The following MCM3AP variants were observed in gnomAD, a reference collection of about 807,000 sequenced individuals.
MCM3AP encodes the protein minichromosome maintenance complex component 3 associated protein, also known as germinal-center associated nuclear protein.
Under a neutral mutation model 184.1 loss-of-function variants are expected in MCM3AP, and 126 were observed. That is an observed-to-expected ratio of 0.68 (90% CI 0.59 to 0.79). MCM3AP has a LOEUF of 0.79. Among genes scored for constraint, MCM3AP ranks in the 30% least tolerant of loss-of-function variants. The pLI is 0.00. For missense variants in MCM3AP, 2,496 were observed against 2,479.2 expected, an observed-to-expected ratio of 1.01 and a Z score of -0.14; for synonymous variants, 1,002 against 979.3, an observed-to-expected ratio of 1.02 and a Z score of -0.43.
chr21:46,260,772 A>G (rs369941818), intron 15 of MCM3AP, 21 bp downstream of exon 15: 6 of 1,554,896 alleles, frequency 3.9e-6, no homozygotes, highest in Non-Finnish European at 5.3e-6. Context: ...TGGCACAGCA[A>G]GACACCAGCG....
rs2123851767 is a variant in MCM3AP, at chr21:46,251,544, A to G, written c.4275T>C (p.Val1425=). 6.2e-7 allele frequency: 1 copy of G among 1,609,994 alleles called. No individual in the cohort carries two copies. Among genetic ancestry groups the G allele is most frequent in the East Asian group, 2.2e-5 (1 of 44,772 alleles). Reference sequence around the variant, plus strand: ...TATAGTTCACCTTTATACACACGTTAACAGAAATCATCTGATCCCCTTTGC... The same window carrying G: ...TATAGTTCACCTTTATACACACGTTGACAGAAATCATCTGATCCCCTTTGC... The part of the protein sequence containing the change: ...LSSKGDQMIS[V]NVCIKVAHGA... Residue 1425 remains valine, a synonymous_variant, in exon 20 of 28, where the codon GTT becomes GTC. Coordinates refer to ENST00000291688, the MANE Select transcript of MCM3AP (RefSeq NM_003906.5).
chr21:46,284,848 TAA>T lies in MCM3AP; in HGVS notation c.437_438del (p.Phe146Ter). The part of the protein sequence containing the change: ...NSGFGKTEFS[F>X]KPLENAVFKP... ...TTGAACACTGCATTTTCCAGAGGTT[TAA>T]AGCTGAATTCTGTTTTCCCAAAACC... On this transcript the variant is annotated frameshift_variant, in exon 1 of 28. Transcript: ENST00000291688. LOFTEE classifies it high-confidence loss of function. 1 of 1,614,140 alleles carries T rather than the reference TAA, an allele frequency of 6.2e-7. No individual in the cohort carries two copies. The highest frequency in any genetic ancestry group is 1.1e-5 in the South Asian group (1 of 91,080).
In MCM3AP at chr21:46,267,116, G is replaced by C; in HGVS notation, c.2655C>G (p.Leu885=). The change falls in exon 10 of 28, where the codon CTC becomes CTG. Residue 885 remains leucine, a synonymous_variant. Coordinates refer to ENST00000291688, the MANE Select transcript of MCM3AP (RefSeq NM_003906.5). Reference sequence around the variant, plus strand: ...GTGTGCTCACCGTGTACGCAAAGTTGAGCGCCCGGAGAGCATCCTTGCGGA... The same window carrying C: ...GTGTGCTCACCGTGTACGCAAAGTTCAGCGCCCGGAGAGCATCCTTGCGGA... The part of the protein sequence containing the change: ...SQIRKDALRA[L]NFAYTVSTQR... The C allele has an allele frequency of 6.2e-7, 1 of 1,613,946 alleles. No homozygotes were observed. Among genetic ancestry groups the C allele is most frequent in the Non-Finnish European group, 8.5e-7 (1 of 1,179,952 alleles).
chr21:46,274,406 A>T (rs955756975), intron 6 of MCM3AP, among the ~76,000 whole-genome samples: 1 of 152,248 alleles, frequency 6.6e-6, no homozygotes, highest in Non-Finnish European at 1.5e-5. Context: ...CAATATTACT[A>T]ATAGAACTAA....
chr21:46,240,787 G>A, intron 26 of MCM3AP, 24 bp downstream of exon 26: 1 of 1,604,962 alleles, frequency 6.2e-7, no homozygotes. Context: ...AAACACACAT[G>A]AATTAGAAGG....
chr21:46,236,915 G>A lies in MCM3AP; in HGVS notation c.5698C>T (p.Leu1900Phe), dbSNP rs1380546834. ...DSGAFTDLTS[L>F]PLYLPQTLVS... ...AGAGTCTGAGGAAGATAGAGGGGAA[G>A]GGAAGTTAAATCCGTAAATGCTCCT... is the stretch of plus-strand genomic sequence containing the variant. The change falls in exon 27 of 28, where the codon CTT (leucine) becomes TTT (phenylalanine). Residue 1900 changes from leucine to phenylalanine, a missense_variant. Physicochemically the swap from Leu to Phe is conservative, Grantham distance 22 (BLOSUM62 0). This residue lies in a region of MCM3AP where 1,323 missense variants were observed against 1,273.4 expected (regional missense o/e 1.04). Transcript: ENST00000291688. 1.3e-6 allele frequency: 2 copies of A among 1,575,308 alleles called. No homozygotes were observed. The highest frequency in any genetic ancestry group is 2.4e-5 in the East Asian group (1 of 42,260).
intron 13 of MCM3AP, among the ~76,000 whole-genome samples, chr21:46,262,506 G>C (rs1394112124): frequency 1.3e-5 from 2 of 152,034 alleles, no homozygotes; most frequent in African/African-American, 2.4e-5. Context: ...AAATTAGCCG[G>C]GTATGGTAGC....
intron 9 of MCM3AP, among the ~76,000 whole-genome samples, chr21:46,268,925 TGGGG>T (rs1457090659): frequency 6.6e-6 from 1 of 151,806 alleles, no homozygotes; most frequent in Non-Finnish European, 1.5e-5. Flanking sequence ...TCCCAGCTAC[TGGGG>T]AGGGAGGCTC....
intron 2 of MCM3AP, among the ~76,000 whole-genome samples, chr21:46,281,654 T>A (rs2081334079): frequency 6.6e-6 from 1 of 151,782 alleles, no homozygotes; most frequent in Admixed American, 6.6e-5. Context: ...AAACTTCATC[T>A]CAAAAAAATA....
Position 46,254,528 on chromosome 21 carries a change from T to C in MCM3AP, c.4002-2A>G. 1 of 1,613,912 alleles carries C rather than the reference T, an allele frequency of 6.2e-7. No individual in the cohort carries two copies. The highest frequency in any genetic ancestry group is 1.1e-5 in the South Asian group (1 of 91,074). ...TCCAGAGACGCCCATGCCACATCAC[T>C]GGGAGGAACAGACCACCGTGGATTA... On this transcript the variant is annotated splice_acceptor_variant, in intron 18 of 27. Transcript: ENST00000291688. LOFTEE classifies it high-confidence loss of function.
intron 10 of MCM3AP, 121 bp from the exon 11 acceptor site, chr21:46,266,287 G>T: frequency 8.9e-7 from 1 of 1,123,678 alleles, no homozygotes; most frequent in Non-Finnish European, 1.2e-6. Flanking sequence ...GTAAATAACA[G>T]AAAGCACAGG....
chr21:46,283,171 C>T (rs1026361104), intron 2 of MCM3AP, among the ~76,000 whole-genome samples: 4 of 152,190 alleles, frequency 2.6e-5, no homozygotes, highest in African/African-American at 9.7e-5. Flanking sequence ...ATGATCCGCC[C>T]ACCTTGGCCT....
intron 17 of MCM3AP, among the ~76,000 whole-genome samples, chr21:46,255,905 G>C (rs897002609): frequency 6.6e-6 from 1 of 152,132 alleles, no homozygotes; most frequent in Non-Finnish European, 1.5e-5. Context: ...GGCAGCCATG[G>C]GTCAGAGGAG....
intron 26 of MCM3AP, among the ~76,000 whole-genome samples, chr21:46,237,352 C>T (rs1378947043): frequency 6.6e-6 from 1 of 152,070 alleles, no homozygotes; most frequent in African/African-American, 2.4e-5. Context: ...ATCCACCCAC[C>T]TCGGCCTCCC....
At chr21:46,261,527 G>A (rs2081041454) in intron 13 of MCM3AP, 116 bp from the exon 14 acceptor site, 2 of 876,302 alleles carry the variant, frequency 2.3e-6, no homozygotes, top group Non-Finnish European at 3.6e-6. Flanking sequence ...AAGGTCAGAA[G>A]ATCAAGACCA....
chr21:46,273,298 G>T (rs1232855549), intron 7 of MCM3AP, 90 bp downstream of exon 7: 3 of 1,260,718 alleles, frequency 2.4e-6, no homozygotes, highest in African/African-American at 3.0e-5. Flanking sequence ...TTTTGTTACA[G>T]ATAAAATATA....
At chr21:46,246,063 T>C (rs2080760760) in intron 22 of MCM3AP, among the ~76,000 whole-genome samples, 1 of 152,214 alleles carries the variant, frequency 6.6e-6, no homozygotes, top group African/African-American at 2.4e-5. Context: ...ATACAACTGC[T>C]GCCAGGCGCA....
chr21:46,248,552 G>A (rs975979755), intron 20 of MCM3AP, among the ~76,000 whole-genome samples: 1 of 151,416 alleles, frequency 6.6e-6, no homozygotes, highest in Non-Finnish European at 1.5e-5. Flanking sequence ...TAGACAGATA[G>A]CCTTGGGTAA....
intron 2 of MCM3AP, among the ~76,000 whole-genome samples, chr21:46,282,767 G>A (rs1369061890): frequency 4.0e-5 from 6 of 150,908 alleles, no homozygotes; most frequent in South Asian, 4.2e-4. Flanking sequence ...ATCATGCCAC[G>A]GCACTCCAGC....
Sources: allele counts gnomAD v4.1 joint callset (sites outside exome capture counted in the v4.1 genomes callset), GRCh38; gene constraint gnomAD v4.1.1; regional missense constraint gnomAD v4.1.1; transcripts MANE v1.5; gene names NCBI Gene and HGNC (gene_info 2026-07-23, HGNC 2026-07-21).